The following PRELID2 variants were observed in gnomAD, a reference collection of about 807,000 sequenced individuals.
PRELID2 encodes the protein PRELI domain containing 2, also known as PRELI domain-containing protein 2.
Under a neutral mutation model 28.4 loss-of-function variants are expected in PRELID2, and 25 were observed. That is an observed-to-expected ratio of 0.88 (90% CI 0.64 to 1.23). The LOEUF (loss-of-function observed/expected upper bound fraction) is 1.23. PRELID2 is among the 50% of genes most tolerant of loss of function. The probability of loss-of-function intolerance (pLI) is 0.00; values close to 1 mark genes in which losing one functional copy is unlikely to be tolerated. For missense variants in PRELID2, 201 were observed against 214.4 expected, an observed-to-expected ratio of 0.94 and a Z score of 0.39; for synonymous variants, 76 against 71.6, an observed-to-expected ratio of 1.06 and a Z score of -0.31.
intron 1 of PRELID2, among the ~76,000 whole-genome samples, chr5:145,488,847 G>C (rs1013095674): frequency 6.6e-6 from 1 of 151,914 alleles, no homozygotes; most frequent in African/African-American, 2.4e-5. Flanking sequence ...ATTTTTTGTT[G>C]TTTTTATTTT....
chr5:145,337,935 T>C, the PRELID2 span: 2 of 151,846 alleles, frequency 1.3e-5, no homozygotes, highest in Non-Finnish European at 2.9e-5. Context: ...CAAAATATTA[T>C]ATTACACACT....
chr5:145,781,572 ATG>A (rs898796373), intron 5 of PRELID2, among the ~76,000 whole-genome samples: 1 of 149,000 alleles, frequency 6.7e-6, no homozygotes, highest in African/African-American at 2.4e-5. Flanking sequence ...TTATATATGT[ATG>A]TGTGTGTATA....
At chr5:145,664,366 C>T (rs1411058795) in intron 1 of PRELID2, among the ~76,000 whole-genome samples, 1 of 152,108 alleles carries the variant, frequency 6.6e-6, no homozygotes, top group Non-Finnish European at 1.5e-5. Flanking sequence ...CAAGACTATA[C>T]TAAGAAGCAG....
At chr5:145,488,306 G>A (rs1284262583) in intron 1 of PRELID2, among the ~76,000 whole-genome samples, 1 of 152,212 alleles carries the variant, frequency 6.6e-6, no homozygotes, top group Admixed American at 6.5e-5. Context: ...AAGATTATCA[G>A]ATACATGCAA....
At chr5:145,807,075 CAGT>C (rs1246059524) in intron 4 of PRELID2, among the ~76,000 whole-genome samples, 4 of 152,148 alleles carry the variant, frequency 2.6e-5, no homozygotes, top group Non-Finnish European at 4.4e-5. Flanking sequence ...ACTGGCAGCA[CAGT>C]AGGTTTGTTT....
At position 145,756,854 on chromosome 5, in the gene PRELID2, T is replaced by C. The variant is rs114400578; in HGVS notation, c.*3682A>G. Among the ~76,000 whole-genome samples the C allele has an allele frequency of 3.5e-4, 54 of 152,136 alleles. No individual in the cohort carries two copies. Among genetic ancestry groups the C allele is most frequent in the Non-Finnish European group, 6.9e-4 (47 of 67,976 alleles). On this transcript the variant is annotated 3_prime_UTR_variant, in exon 7 of 7. Transcript: ENST00000683046. ...GAGGTAGGCACAGTAATGGGAGAGA[T>C]AAATGACAGATAAAAGTGAGGGAAA...
At chr5:145,282,582 T>C in the PRELID2 span, among the ~76,000 whole-genome samples, 1 of 151,584 alleles carries the variant, frequency 6.6e-6, no homozygotes, top group African/African-American at 2.4e-5. Flanking sequence ...TACAGTGGCA[T>C]GATCTCGGCT....
At chr5:145,315,545 GGTGTGT>G in the PRELID2 span, among the ~76,000 whole-genome samples, 201 of 142,994 alleles carry the variant, frequency 1.4e-3, no homozygotes, top group African/African-American at 2.5e-3. Context: ...GCTCTTTCAG[GGTGTGT>G]GTGTGTGTGT....
At chr5:145,398,797 G>A in the PRELID2 span, among the ~76,000 whole-genome samples, 7 of 152,038 alleles carry the variant, frequency 4.6e-5, no homozygotes, top group African/African-American at 7.2e-5. Flanking sequence ...ACATGTGAAT[G>A]TGATAGGGAG....
intron 1 of PRELID2, among the ~76,000 whole-genome samples, chr5:145,626,650 A>G (rs1247301897): frequency 6.6e-6 from 1 of 152,210 alleles, no homozygotes; most frequent in African/African-American, 2.4e-5. Flanking sequence ...TTACCCTACA[A>G]TCCAGCAATC....
the PRELID2 span, among the ~76,000 whole-genome samples, chr5:145,430,105 G>A: frequency 6.6e-6 from 1 of 152,232 alleles, no homozygotes; most frequent in Admixed American, 6.5e-5. Flanking sequence ...AACATGTGGA[G>A]TGGTTTTCGA....
chr5:145,742,296 A>G (rs903631139), intron 1 of PRELID2, among the ~76,000 whole-genome samples: 2 of 129,150 alleles, frequency 1.5e-5, no homozygotes, highest in Non-Finnish European at 3.2e-5. Context: ...ATTTTTATAT[A>G]AATATTTATA....
intron 1 of PRELID2, among the ~76,000 whole-genome samples, chr5:145,597,625 C>A (rs569953334): frequency 6.6e-6 from 1 of 152,096 alleles, no homozygotes; most frequent in Admixed American, 6.6e-5. Context: ...CTCTTTCTCA[C>A]CCAGACAAAC....
the PRELID2 span, among the ~76,000 whole-genome samples, chr5:145,293,137 C>G: frequency 2.0e-5 from 3 of 152,120 alleles, no homozygotes; most frequent in Non-Finnish European, 4.4e-5. Flanking sequence ...GACAGGTGCT[C>G]TACCATTTGC....
At chr5:145,407,152 G>C in the PRELID2 span, among the ~76,000 whole-genome samples, 1 of 152,204 alleles carries the variant, frequency 6.6e-6, no homozygotes, top group Non-Finnish European at 1.5e-5. Flanking sequence ...GTGCAGATAG[G>C]TATGGAAGGG....
downstream of PRELID2, among the ~76,000 whole-genome samples, chr5:145,751,720 G>A (rs1436382607): frequency 2.0e-5 from 3 of 152,186 alleles, no homozygotes; most frequent in Admixed American, 6.5e-5. Context: ...GGTGGCTCAC[G>A]CCTGTAATCC....
intron 1 of PRELID2, among the ~76,000 whole-genome samples, chr5:145,477,075 T>G (rs1300903305): frequency 6.6e-6 from 1 of 152,192 alleles, no homozygotes; most frequent in Admixed American, 6.5e-5. Context: ...ATAATCTTAT[T>G]GAAGATTTAT....
chr5:145,494,789 G>A (rs1308561641), intron 1 of PRELID2, among the ~76,000 whole-genome samples: 2 of 152,086 alleles, frequency 1.3e-5, no homozygotes, highest in Admixed American at 6.5e-5. Context: ...GAAATCTAAA[G>A]CTGCAAATCT....
intron 1 of PRELID2, among the ~76,000 whole-genome samples, chr5:145,654,470 C>A (rs544174227): frequency 1.2e-3 from 185 of 152,238 alleles, no homozygotes; most frequent in African/African-American, 4.3e-3. Flanking sequence ...GACCAATATC[C>A]CTGATGAACA....
Sources: gnomAD v4.1 joint callset for allele counts (sites outside exome capture counted in the v4.1 genomes callset) on GRCh38, gnomAD v4.1.1 for gene constraint, MANE v1.5 for transcripts, NCBI Gene and HGNC (gene_info 2026-07-23, HGNC 2026-07-21) for gene names.